RNF135: variants seen among roughly 807,000 people sequenced by gnomAD.
RNF135 encodes E3 ubiquitin-protein ligase RNF135.
In RNF135, 46 loss-of-function variants were observed where a neutral mutation model predicts 41.9. The ratio of observed to expected loss-of-function variants is 1.10; its 90% CI spans 0.87 to 1.40. The LOEUF (loss-of-function observed/expected upper bound fraction) is 1.40, where lower values mean the gene tolerates loss of function less well. Among genes scored for constraint, RNF135 ranks in the 40% most tolerant of loss-of-function variants. The pLI is 0.00. For missense variants in RNF135, 539 were observed against 549.8 expected, an observed-to-expected ratio of 0.98 and a Z score of 0.20; for synonymous variants, 238 against 223.8, an observed-to-expected ratio of 1.06 and a Z score of -0.57.
At chr17:30,988,239 A>C (rs1275571796) in intron 3 of RNF135, 133 bp downstream of exon 3, 4 of 878,172 alleles carry the variant, frequency 4.6e-6, no homozygotes, top group Non-Finnish European at 7.3e-6. Context: ...GTCGTGAATC[A>C]GGTAGGGGTG....
the RNF135 span, among the ~76,000 whole-genome samples, chr17:30,963,012 G>T: frequency 6.6e-6 from 1 of 150,770 alleles, no homozygotes; most frequent in African/African-American, 2.4e-5. Context: ...TTCCCTAGCG[G>T]TTGACAATGT....
the RNF135 span, among the ~76,000 whole-genome samples, chr17:30,962,932 TGTCA>T: frequency 3.9e-5 from 6 of 152,164 alleles, no homozygotes; most frequent in Non-Finnish European, 7.3e-5. Flanking sequence ...CAGTTGGTGT[TGTCA>T]GTATTTTTTA....
chr17:30,976,414 C>G (rs531352082), intron 1 of RNF135, among the ~76,000 whole-genome samples: 4 of 152,274 alleles, frequency 2.6e-5, no homozygotes, highest in South Asian at 4.1e-4. Flanking sequence ...AGGAAAAGAT[C>G]CATGTGTATT....
chr17:30,982,976 A>G (rs1304941020), intron 1 of RNF135, among the ~76,000 whole-genome samples: 2 of 152,046 alleles, frequency 1.3e-5, no homozygotes, highest in African/African-American at 2.4e-5. Context: ...TCTGATTTTG[A>G]CTACTCTAAA....
intron 1 of RNF135, chr17:30,975,321 T>C (rs1906346678): frequency 1.5e-6 from 1 of 665,872 alleles, no homozygotes; most frequent in Non-Finnish European, 2.7e-6. Context: ...ACATCCTGTT[T>C]CCCCTTAAAA....
At chr17:30,994,308 T>G (rs1278673158) in intron 3 of RNF135, among the ~76,000 whole-genome samples, 1 of 151,976 alleles carries the variant, frequency 6.6e-6, no homozygotes, top group African/African-American at 2.4e-5. Context: ...TTTGGGAGGT[T>G]GAGGTGGGCA....
At chr17:30,985,744 T>C (rs1482109156) in intron 2 of RNF135, among the ~76,000 whole-genome samples, 1 of 152,162 alleles carries the variant, frequency 6.6e-6, no homozygotes, top group African/African-American at 2.4e-5. Flanking sequence ...CTTAAAACAT[T>C]CAAATTACAT....
upstream of RNF135, among the ~76,000 whole-genome samples, chr17:30,969,541 AG>A (rs1905711234): frequency 6.6e-6 from 1 of 152,178 alleles, no homozygotes; most frequent in Non-Finnish European, 1.5e-5. Flanking sequence ...GCTGGCAGAA[AG>A]GGATACAATG....
intron 1 of RNF135, among the ~76,000 whole-genome samples, chr17:30,982,817 A>G (rs1598089715): frequency 6.6e-6 from 1 of 152,320 alleles, no homozygotes; most frequent in East Asian, 1.9e-4. Context: ...CATCATTTCC[A>G]TAACTTTAAA....
chr17:30,988,275 A>G (rs943413790), intron 3 of RNF135, among the ~76,000 whole-genome samples, 169 bp downstream of exon 3: 1 of 152,002 alleles, frequency 6.6e-6, no homozygotes, highest in African/African-American at 2.4e-5. Flanking sequence ...GTGGCTGAAT[A>G]TGTTTTTGGC....
chr17:30,983,317 G>GTATATATATA (rs1234232549), intron 1 of RNF135, among the ~76,000 whole-genome samples: 9 of 24,868 alleles, frequency 3.6e-4, no homozygotes, highest in Non-Finnish European at 3.1e-4. Context: ...TTACATATAT[G>GTATATATATA]TACATATATA....
intron 1 of RNF135, among the ~76,000 whole-genome samples, chr17:30,980,843 A>T (rs1475359120): frequency 7.1e-6 from 1 of 140,840 alleles, no homozygotes; most frequent in Non-Finnish European, 1.6e-5. Flanking sequence ...CCTAGATGGG[A>T]TGGCGGCCGG....
At chr17:30,992,229 C>T (rs892083105) in intron 3 of RNF135, among the ~76,000 whole-genome samples, 6 of 151,894 alleles carry the variant, frequency 4.0e-5, no homozygotes, top group Non-Finnish European at 7.4e-5. Flanking sequence ...CCACTGCGCT[C>T]GGCCTTTACA....
At chr17:30,980,482 G>A (rs1215231579) in intron 1 of RNF135, among the ~76,000 whole-genome samples, 91 of 125,012 alleles carry the variant, frequency 7.3e-4, no homozygotes, top group Middle Eastern at 4.8e-3. Flanking sequence ...CGGACGGGGC[G>A]GCTGGCCGGG....
At position 30,979,919 on chromosome 17, in the gene RNF135, C is replaced by T. The variant is rs1371965380; in HGVS notation, c.373-4698C>T. ...GGCCGGGCAGAGGGGCTCCTCACTT[C>T]CCAGTAGGGGCGGCCGGGCAGAGGC... On this transcript the variant is annotated intron_variant, in intron 1 of 4. Transcript: ENST00000328381. 1.3e-4 allele frequency among the ~76,000 whole-genome samples: 15 copies of T among 117,676 alleles called. No individual in the cohort carries two copies. In the East Asian group the frequency reaches 3.6e-3, roughly 29 times the overall value. The allele number at this position is 117,676 out of a possible 152,430, so 77.2% of individuals were successfully genotyped here.
At chr17:30,995,523 A>G (rs1908297615) in intron 3 of RNF135, among the ~76,000 whole-genome samples, 1 of 152,170 alleles carries the variant, frequency 6.6e-6, no homozygotes, top group Non-Finnish European at 1.5e-5. Context: ...ATGGGCCACC[A>G]TGCCTGGTTT....
chr17:30,975,933 G>A (rs1393061357), intron 1 of RNF135: 11 of 561,664 alleles, frequency 2.0e-5, no homozygotes, highest in Non-Finnish European at 3.3e-5. Flanking sequence ...TCTTCTGCCT[G>A]TTCATCTCTA....
At chr17:30,975,592 A>G in intron 1 of RNF135, 2 of 854,684 alleles carry the variant, frequency 2.3e-6, no homozygotes, top group South Asian at 2.6e-5. Context: ...ACCACAGAGC[A>G]AAACTCAAGA....
chr17:30,999,028 G>A lies in RNF135; in HGVS notation c.1136G>A (p.Trp379Ter). ...GACAGACCTGGGGTGGTGGGCATCT[G>A]GCTGAACCTTGAGGAGGGAAAGCTT... ...GSDRPGVVGI[W>*]LNLEEGKLAF... The change falls in exon 5 of 5, where the codon TGG becomes TAG. Residue 379 changes from tryptophan to a stop codon, truncating the protein, a stop_gained. Transcript: ENST00000328381. LOFTEE classifies it high-confidence loss of function. The A allele has an allele frequency of 6.2e-7, 1 of 1,614,166 alleles. No homozygotes were observed. Among genetic ancestry groups the A allele is most frequent in the African/African-American group, 1.3e-5 (1 of 75,036 alleles).
Sources: allele counts gnomAD v4.1 joint callset (sites outside exome capture counted in the v4.1 genomes callset), GRCh38; gene constraint gnomAD v4.1.1; transcripts MANE v1.5; gene names NCBI Gene and HGNC (gene_info 2026-07-23, HGNC 2026-07-21).